The following TPRG1 variants were observed in gnomAD, a reference collection of about 807,000 sequenced individuals.
The protein encoded by TPRG1 is tumor protein p63 regulated 1, also known as tumor protein p63-regulated gene 1 protein.
In TPRG1, 29 loss-of-function variants were observed where a neutral mutation model predicts 29.3. The observed-to-expected ratio is 0.99, with a 90% CI of 0.74 to 1.35. The LOEUF (loss-of-function observed/expected upper bound fraction) is 1.35. Among genes scored for constraint, TPRG1 ranks in the 40% most tolerant of loss-of-function variants. The probability of loss-of-function intolerance (pLI) is 0.00; values close to 1 mark genes in which losing one functional copy is unlikely to be tolerated. For missense variants in TPRG1, 327 were observed against 335.0 expected, an observed-to-expected ratio of 0.98 and a Z score of 0.19; for synonymous variants, 130 against 116.8, an observed-to-expected ratio of 1.11 and a Z score of -0.73.
chr3:189,165,785 G>C (rs1253872202), intron 5 of TPRG1, among the ~76,000 whole-genome samples: 2 of 152,162 alleles, frequency 1.3e-5, no homozygotes, highest in East Asian at 1.9e-4. Flanking sequence ...GATGCAGAAA[G>C]GGGGAAAGAA....
chr3:189,069,024 C>A (rs1329687506), intron 4 of TPRG1, among the ~76,000 whole-genome samples: 1 of 152,058 alleles, frequency 6.6e-6, no homozygotes, highest in Admixed American at 6.6e-5. Context: ...GAAATGAAGA[C>A]CTATGTTTAC....
intron 4 of TPRG1, among the ~76,000 whole-genome samples, chr3:189,081,478 A>C (rs1314510332): frequency 6.6e-6 from 1 of 152,194 alleles, no homozygotes; most frequent in South Asian, 2.1e-4. Context: ...ATATGGTCCA[A>C]TTGGCAAGGT....
chr3:189,199,405 C>A (rs1449802678), intron 1 of TPRG1, among the ~76,000 whole-genome samples: 1 of 152,146 alleles, frequency 6.6e-6, no homozygotes. Flanking sequence ...ATAATTTAGT[C>A]CAACAGTTTT....
intron 3 of TPRG1, among the ~76,000 whole-genome samples, chr3:189,018,905 C>T (rs1713116546): frequency 6.6e-6 from 1 of 150,946 alleles, no homozygotes; most frequent in East Asian, 1.9e-4. Flanking sequence ...CTTTTATTTC[C>T]TTGAGCAGTG....
At chr3:189,108,518 A>AT (rs1720087256) in intron 1 of TPRG1, among the ~76,000 whole-genome samples, 2 of 149,572 alleles carry the variant, frequency 1.3e-5, no homozygotes, top group Admixed American at 6.6e-5. Context: ...CATAAATTTT[A>AT]TTTTTTAGAA....
intron 1 of TPRG1, among the ~76,000 whole-genome samples, chr3:189,113,262 T>G (rs900312315): frequency 6.6e-6 from 1 of 152,236 alleles, no homozygotes; most frequent in African/African-American, 2.4e-5. Flanking sequence ...CTTATCAGCT[T>G]AAGGAGATTT....
chr3:189,166,954 T>TGGACCC, intron 5 of TPRG1, among the ~76,000 whole-genome samples: 1 of 152,314 alleles, frequency 6.6e-6, no homozygotes, highest in African/African-American at 2.4e-5. Flanking sequence ...TCTTCCCCTG[T>TGGACCC]GGACCCCAAA....
intron 1 of TPRG1, among the ~76,000 whole-genome samples, chr3:189,192,291 A>G (rs1731813115): frequency 6.6e-6 from 1 of 152,142 alleles, no homozygotes; most frequent in Admixed American, 6.5e-5. Context: ...TTCCCTTTGC[A>G]TTTTCTGTCG....
At chr3:189,156,051 A>G (rs138373000) in intron 5 of TPRG1, among the ~76,000 whole-genome samples, 1 of 152,342 alleles carries the variant, frequency 6.6e-6, no homozygotes, top group African/African-American at 2.4e-5. Context: ...TGTGGTAATC[A>G]TTTCACAATG....
intron 3 of TPRG1, among the ~76,000 whole-genome samples, chr3:189,017,769 G>A (rs564897338): frequency 2.6e-5 from 4 of 152,196 alleles, no homozygotes; most frequent in South Asian, 2.1e-4. Flanking sequence ...TGGGTCAAAT[G>A]GTATTTCTAG....
At chr3:189,030,593 T>C (rs536278038) in intron 4 of TPRG1, among the ~76,000 whole-genome samples, 1 of 152,238 alleles carries the variant, frequency 6.6e-6, no homozygotes, top group East Asian at 1.9e-4. Flanking sequence ...TACTCCAAGC[T>C]CCCTACCTTG....
chr3:189,163,542 G>C (rs577157804), intron 5 of TPRG1, among the ~76,000 whole-genome samples: 197 of 152,164 alleles, frequency 1.3e-3, no homozygotes, highest in African/African-American at 4.3e-3. Context: ...ACCGGTTTTA[G>C]GCTTAAAACC....
intron 4 of TPRG1, among the ~76,000 whole-genome samples, chr3:189,081,790 G>A (rs1235697538): frequency 6.6e-6 from 1 of 152,074 alleles, no homozygotes; most frequent in African/African-American, 2.4e-5. Flanking sequence ...ACAATTTATA[G>A]CATGTCGTAG....
intron 4 of TPRG1, among the ~76,000 whole-genome samples, chr3:189,038,794 C>CAAAAAAAAAAAAAAAAGAA (rs59131158): frequency 7.7e-6 from 1 of 129,778 alleles, no homozygotes. Context: ...GAGTAATTGG[C>CAAAAAAAAAAAAAAAAGAA]AAAAAAAAAA....
chr3:188,999,885 AG>A (rs1711947767), intron 1 of TPRG1, among the ~76,000 whole-genome samples: 1 of 152,142 alleles, frequency 6.6e-6, no homozygotes, highest in South Asian at 2.1e-4. Flanking sequence ...TTATTTATTC[AG>A]GATAAATTTC....
At chr3:189,056,285 G>A (rs1481727083) in intron 4 of TPRG1, among the ~76,000 whole-genome samples, 2 of 151,916 alleles carry the variant, frequency 1.3e-5, no homozygotes, top group African/African-American at 2.4e-5. Context: ...CAGTAGAGAC[G>A]GGGTTTTGCC....
intron 4 of TPRG1, among the ~76,000 whole-genome samples, chr3:189,024,761 G>A (rs371717325): frequency 6.6e-6 from 1 of 152,130 alleles, no homozygotes; most frequent in Non-Finnish European, 1.5e-5. Context: ...GTCCTGCCCA[G>A]TAATGAGGAA....
At chr3:189,137,296 ATGTGTGTGTGTGTGTGTGTGTGTG>A (rs10525363) in intron 3 of TPRG1, among the ~76,000 whole-genome samples, 33 of 129,904 alleles carry the variant, frequency 2.5e-4, no homozygotes, top group South Asian at 5.6e-4. Flanking sequence ...AAACCCCAAA[ATGTGTGTGTGTGTGTGTGTGTGTG>A]TGTGTGTGTG....
chr3:189,226,701 A>AC (rs1491100008), intron 3 of TPRG1, among the ~76,000 whole-genome samples: 4 of 123,878 alleles, frequency 3.2e-5, no homozygotes, highest in African/African-American at 1.7e-4. Context: ...AAAAAATTAA[A>AC]CAAAAAAAAC....
Sources: allele counts gnomAD v4.1 joint callset (sites outside exome capture counted in the v4.1 genomes callset), GRCh38; gene constraint gnomAD v4.1.1; transcripts MANE v1.5; gene names NCBI Gene and HGNC (gene_info 2026-07-23, HGNC 2026-07-21).